The following TMEM50B variants were observed in gnomAD, a reference collection of about 807,000 sequenced individuals.
The protein encoded by TMEM50B is HCV p7-trans-regulated protein 3.
A neutral mutation model predicts 23.4 loss-of-function variants in TMEM50B; 14 were observed. The ratio of observed to expected loss-of-function variants is 0.60; its 90% CI spans 0.39 to 0.93. The LOEUF (loss-of-function observed/expected upper bound fraction) is 0.93. Ranked by LOEUF, TMEM50B falls within the 40% of genes least tolerant of loss-of-function variation. The pLI, the probability that TMEM50B is intolerant of heterozygous loss-of-function variation, is 0.00. For missense variants in TMEM50B, 159 were observed against 193.0 expected (o/e 0.82, Z 1.04); for synonymous variants, 64 against 62.3 (o/e 1.03, Z -0.13).
chr21:33,478,861 A>C lies in TMEM50B; in HGVS notation c.-42+977T>G. ...CCGGCCTGAGAGTTCAGAGCCTCTG[A>C]AGTGTCAAGGGATCCACAGTGCAGG... is the stretch of plus-strand genomic sequence containing the variant. On this transcript the variant is annotated intron_variant, in intron 1 of 6. Coordinates refer to ENST00000542230, the MANE Select transcript of TMEM50B (RefSeq NM_006134.7). The C allele has an allele frequency of 6.4e-6, 3 of 470,920 alleles. 1 individual carries two copies. The highest frequency in any genetic ancestry group is 4.6e-5 in the South Asian group (3 of 64,520). 29.2% of individuals were successfully genotyped at this position (470,920 alleles called of 1,614,324 possible).
At chr21:33,473,632 G>C (rs796659026) in intron 1 of TMEM50B, among the ~76,000 whole-genome samples, 13 of 145,210 alleles carry the variant, frequency 9.0e-5, no homozygotes, top group African/African-American at 3.0e-4. Context: ...GCTATGACAG[G>C]TGACACAGTG....
At chr21:33,471,771 C>G (rs1222259899) in intron 1 of TMEM50B, among the ~76,000 whole-genome samples, 1 of 152,162 alleles carries the variant, frequency 6.6e-6, no homozygotes, top group Non-Finnish European at 1.5e-5. Context: ...CGCAGTGGCT[C>G]ATGCCTGTAA....
chr21:33,438,443 C>T (rs939834912), intron 8 of TMEM50B, among the ~76,000 whole-genome samples: 5 of 152,162 alleles, frequency 3.3e-5, no homozygotes, highest in Admixed American at 6.5e-5. Flanking sequence ...CTACTGAGCA[C>T]GCAAGTCATC....
intron 1 of TMEM50B, among the ~76,000 whole-genome samples, chr21:33,478,343 T>C (rs1421005413): frequency 6.6e-6 from 1 of 151,898 alleles, no homozygotes; most frequent in Admixed American, 6.6e-5. Context: ...GGCAGGCGCC[T>C]GTGATCCCAG....
chr21:33,435,700 G>C (rs1474912944), intron 8 of TMEM50B, among the ~76,000 whole-genome samples: 1 of 151,544 alleles, frequency 6.6e-6, no homozygotes, highest in Non-Finnish European at 1.5e-5. Context: ...CTGGCCAACA[G>C]GGTGAAACCC....
chr21:33,450,610 A>G lies in TMEM50B; in HGVS notation c.*208T>C, dbSNP rs866049904. 2 of 431,050 alleles carry G rather than the reference A, an allele frequency of 4.6e-6. No individual in the cohort carries two copies. The highest frequency in any genetic ancestry group is 5.1e-4 in the Middle Eastern group (1 of 1,968). The allele number at this position is 431,050 out of a possible 1,614,324, so 26.7% of individuals were successfully genotyped here. On this transcript the variant is annotated 3_prime_UTR_variant, in exon 7 of 7. Transcript: ENST00000542230. ...AACTGATACTCATTATCCAATTCAT[A>G]TAGTCTTGTATTATATACATATTAA...
chr21:33,452,489 G>T (rs1253928420), intron 6 of TMEM50B, among the ~76,000 whole-genome samples: 1 of 152,170 alleles, frequency 6.6e-6, no homozygotes, highest in South Asian at 2.1e-4. Flanking sequence ...CTACCACAAG[G>T]CTGGAAGAGA....
In TMEM50B at chr21:33,435,568, G is replaced by A. The variant is rs528180520; in HGVS notation, c.*2121-2766C>T. 3.4e-3 allele frequency among the ~76,000 whole-genome samples: 519 copies of A among 152,268 alleles called. 3 individuals are homozygous for A. Among genetic ancestry groups the A allele is most frequent in the Non-Finnish European group, 4.6e-3 (313 of 68,012 alleles). On this transcript the variant is annotated intron_variant and NMD_transcript_variant, in intron 8 of 8. Coordinates refer to the TMEM50B transcript ENST00000420455. Reference sequence around the variant, plus strand: ...TGAGTATTAAAGTGATTACTGAGATGAGGGGTAAGGAGTATTCAACTATTA... The same window carrying A: ...TGAGTATTAAAGTGATTACTGAGATAAGGGGTAAGGAGTATTCAACTATTA...
chr21:33,466,498 AAAT>A (rs1411674354), intron 3 of TMEM50B, among the ~76,000 whole-genome samples: 3 of 152,248 alleles, frequency 2.0e-5, no homozygotes, highest in African/African-American at 7.2e-5. Flanking sequence ...AAAAAAATAA[AAAT>A]AATACTGCAA....
intron 8 of TMEM50B, among the ~76,000 whole-genome samples, chr21:33,433,505 G>A (rs1057130335): frequency 6.6e-6 from 1 of 152,176 alleles, no homozygotes; most frequent in African/African-American, 2.4e-5. Context: ...GAGTAGAGTA[G>A]GGCAGTCACA....
At chr21:33,451,040 A>G (rs1465902194) in intron 6 of TMEM50B, among the ~76,000 whole-genome samples, 177 bp from the exon 7 acceptor site, 1 of 152,242 alleles carries the variant, frequency 6.6e-6, no homozygotes. Context: ...CAGTCTGTTA[A>G]CTACGATGGC....
chr21:33,471,474 T>G (rs542939330), intron 1 of TMEM50B, among the ~76,000 whole-genome samples: 1 of 152,262 alleles, frequency 6.6e-6, no homozygotes, highest in South Asian at 2.1e-4. Context: ...ACAAAGACTT[T>G]AAAGCACCCA....
chr21:33,470,328 G>A, intron 1 of TMEM50B, among the ~76,000 whole-genome samples: 1 of 149,686 alleles, frequency 6.7e-6, no homozygotes, highest in South Asian at 2.1e-4. Flanking sequence ...AAAAATCTGA[G>A]GCAGGAGAAT....
intron 2 of TMEM50B, 188 bp downstream of exon 2, chr21:33,468,599 A>G: frequency 1.9e-6 from 1 of 514,314 alleles, no homozygotes; most frequent in Non-Finnish European, 3.4e-6. Context: ...ACATTTACAA[A>G]GTCAAAATGA....
chr21:33,441,046 A>G (rs1412843826), intron 7 of TMEM50B, among the ~76,000 whole-genome samples: 1 of 151,874 alleles, frequency 6.6e-6, no homozygotes, highest in Non-Finnish European at 1.5e-5. Flanking sequence ...TCTGGCCAAC[A>G]AGGTGACACC....
chr21:33,456,081 G>C, intron 5 of TMEM50B: 1 of 620,542 alleles, frequency 1.6e-6, no homozygotes, highest in South Asian at 1.5e-5. Flanking sequence ...TTGCTCCTTT[G>C]CCTCCTATGG....
chr21:33,463,010 G>A (rs1158315742), intron 4 of TMEM50B, among the ~76,000 whole-genome samples: 1 of 152,260 alleles, frequency 6.6e-6, no homozygotes, highest in Non-Finnish European at 1.5e-5. Flanking sequence ...TCAGGTAGAA[G>A]GCTGGGCATG....
chr21:33,476,218 C>CAA, intron 1 of TMEM50B, among the ~76,000 whole-genome samples: 1 of 152,010 alleles, frequency 6.6e-6, no homozygotes. Flanking sequence ...AAGCCCGTCT[C>CAA]TACTAAGAAT....
chr21:33,458,662 T>C (rs1412207502), intron 5 of TMEM50B, among the ~76,000 whole-genome samples: 2 of 152,188 alleles, frequency 1.3e-5, no homozygotes, highest in African/African-American at 2.4e-5. Flanking sequence ...AATTGGATTG[T>C]GATGATGGTA....
Sources: allele counts gnomAD v4.1 joint callset (sites outside exome capture counted in the v4.1 genomes callset), GRCh38; gene constraint gnomAD v4.1.1; transcripts MANE v1.5; gene names NCBI Gene and HGNC (gene_info 2026-07-23, HGNC 2026-07-21).